SEL1L2: variants seen among roughly 807,000 people sequenced by gnomAD.
SEL1L2 encodes the protein protein sel-1 homolog 2.
SEL1L2 carries 89 observed loss-of-function variants against 98.8 expected under a neutral mutation model. The observed-to-expected ratio is 0.90, with a 90% CI of 0.76 to 1.07. SEL1L2 has a LOEUF of 1.07. Among genes scored for constraint, SEL1L2 ranks in the 50% least tolerant of loss-of-function variants. The pLI, the probability that SEL1L2 is intolerant of heterozygous loss-of-function variation, is 0.00. For synonymous variants in SEL1L2, 262 were observed against 278.5 expected, an observed-to-expected ratio of 0.94 and a Z score of 0.59; for missense variants, 788 against 812.0, an observed-to-expected ratio of 0.97 and a Z score of 0.36.
In SEL1L2 at chr20:13,981,090, A is replaced by T. The variant is rs1388401312; in HGVS notation, c.58+9387T>A. ...AAACCCCGTCTCTACTAAAAATACAAAATTAGCGGGGCATGGTGGTGTGCA... is the reference window on the plus strand; with the variant it reads ...AAACCCCGTCTCTACTAAAAATACATAATTAGCGGGGCATGGTGGTGTGCA... On this transcript the variant is annotated intron_variant, in intron 1 of 19. Transcript: ENST00000284951. 3.3e-5 allele frequency among the ~76,000 whole-genome samples: 5 copies of T among 152,294 alleles called. No homozygotes were observed. The East Asian group carries it at 9.6e-4, about 29-fold the overall frequency.
In SEL1L2 at chr20:13,970,939, A is replaced by T. The variant is rs545715951; in HGVS notation, c.59-14808T>A. 2.7e-5 allele frequency among the ~76,000 whole-genome samples: 4 copies of T among 150,092 alleles called. No individual in the cohort carries two copies. The East Asian group carries it at 5.8e-4, about 22-fold the overall frequency. On this transcript the variant is annotated intron_variant, in intron 1 of 19. Coordinates refer to ENST00000284951, the MANE Select transcript of SEL1L2 (RefSeq NM_025229.2). ...TATCTATTACTATATAGGAATATTA[A>T]TTTTTTCTCACCATAACTGGCACGT... is the stretch of plus-strand genomic sequence containing the variant.
At chr20:13,856,303 C>T (rs6033835) in intron 18 of SEL1L2, among the ~76,000 whole-genome samples, 107,322 of 151,866 alleles carry the variant, frequency 0.71, 38,356 homozygotes, top group Middle Eastern at 0.81. Context: ...TTAATTTTTG[C>T]ATTTTTAGTA....
At chr20:13,886,254 G>A in intron 9 of SEL1L2, 34 bp downstream of exon 9, 1 of 1,517,320 alleles carries the variant, frequency 6.6e-7, no homozygotes, top group South Asian at 1.2e-5. Context: ...TAATTTTCAT[G>A]TTCTAAAAAC....
intron 5 of SEL1L2, among the ~76,000 whole-genome samples, chr20:13,895,862 C>T (rs1211870844): frequency 6.6e-6 from 1 of 152,202 alleles, no homozygotes; most frequent in African/African-American, 2.4e-5. Flanking sequence ...ATTAGACACA[C>T]ACACACAAAC....
At chr20:13,870,118 G>T (rs1192195274) in intron 13 of SEL1L2, 23 bp downstream of exon 13, 1 of 1,513,586 alleles carries the variant, frequency 6.6e-7, no homozygotes. Flanking sequence ...CAAATAAAAA[G>T]ATAATAAAAT....
intron 5 of SEL1L2, among the ~76,000 whole-genome samples, chr20:13,901,156 C>T (rs1458529489): frequency 2.7e-5 from 4 of 149,822 alleles, no homozygotes; most frequent in Admixed American, 2.7e-4. Context: ...CTGCAAGCTC[C>T]GCCTCCCGGG....
chr20:13,900,010 A>G (rs2148078372), intron 5 of SEL1L2, among the ~76,000 whole-genome samples: 1 of 152,240 alleles, frequency 6.6e-6, no homozygotes, highest in African/African-American at 2.4e-5. Context: ...ATATTTAAAG[A>G]TTTTCTTTTT....
At chr20:13,948,042 C>T (rs1050101856) in intron 2 of SEL1L2, among the ~76,000 whole-genome samples, 2 of 152,212 alleles carry the variant, frequency 1.3e-5, no homozygotes, top group African/African-American at 4.8e-5. Flanking sequence ...ATGAGCACAG[C>T]AGGTCTGAGC....
At chr20:13,945,438 T>C (rs2029981711) in intron 2 of SEL1L2, among the ~76,000 whole-genome samples, 1 of 151,780 alleles carries the variant, frequency 6.6e-6, no homozygotes, top group South Asian at 2.1e-4. Flanking sequence ...TCTTTTACAT[T>C]TGACATTATT....
Position 13,886,322 on chromosome 20 carries a change from T to G in SEL1L2, c.866A>C (p.Lys289Thr), listed in dbSNP as rs146403121. The G allele has an allele frequency of 2.1e-4, 337 of 1,612,118 alleles. 1 individual carries two copies. The East Asian group carries it at 7.2e-3, about 34-fold the overall frequency. Residue 289 changes from lysine (K) to threonine (T), a missense_variant, in exon 9 of 20, where the codon AAA becomes ACA. Coordinates refer to ENST00000284951, the MANE Select transcript of SEL1L2 (RefSeq NM_025229.2). Reference sequence around the variant, plus strand: ...AACATCTCCTCTTTCTGCCAAAAATTTATAGTATTGGTATATGTCCCAATC... The same window carrying G: ...AACATCTCCTCTTTCTGCCAAAAATGTATAGTATTGGTATATGTCCCAATC... ...ILDWDIYQYY[K>T]FLAERGDVQI... is the part of the protein sequence containing the mutation.
chr20:13,990,423 T>C (rs543955839), intron 1 of SEL1L2, 54 bp downstream of exon 1: 3 of 1,299,100 alleles, frequency 2.3e-6, no homozygotes, highest in Admixed American at 3.5e-5. Context: ...CTTGGCGCTG[T>C]TTGAGCAAAG....
In SEL1L2 at chr20:13,989,303, CTTTT is replaced by C. The variant is rs987882866; in HGVS notation, c.58+1170_58+1173del. On this transcript the variant is annotated intron_variant, in intron 1 of 19. Coordinates refer to ENST00000284951, the MANE Select transcript of SEL1L2 (RefSeq NM_025229.2). ...TCACTGCTACTGTATAGAAATAGAA[CTTTT>C]TTTTTGTATTTATCCTGCATTTGTT... is the stretch of plus-strand genomic sequence containing the variant. Among the ~76,000 whole-genome samples the C allele has an allele frequency of 6.9e-4, 105 of 151,458 alleles. 1 individual carries two copies. The East Asian group carries it at 7.2e-3, about 10-fold the overall frequency.
chr20:13,970,407 G>A (rs2051229442), intron 1 of SEL1L2, among the ~76,000 whole-genome samples: 1 of 152,124 alleles, frequency 6.6e-6, no homozygotes, highest in African/African-American at 2.4e-5. Flanking sequence ...GGTTTGTTAG[G>A]GTGGACAAGA....
chr20:13,931,163 C>T (rs2049127045), intron 3 of SEL1L2, among the ~76,000 whole-genome samples: 1 of 151,870 alleles, frequency 6.6e-6, no homozygotes, highest in East Asian at 2.0e-4. Context: ...CCTGCCTCAG[C>T]CTCCCGAGTA....
At chr20:13,880,907 CATG>C (rs1172325325) in intron 10 of SEL1L2, among the ~76,000 whole-genome samples, 3 of 152,190 alleles carry the variant, frequency 2.0e-5, no homozygotes, top group Middle Eastern at 3.4e-3. Context: ...AAAAAATGAT[CATG>C]ATTTTTCATT....
At chr20:13,946,405 T>C (rs930833340) in intron 2 of SEL1L2, among the ~76,000 whole-genome samples, 1 of 152,130 alleles carries the variant, frequency 6.6e-6, no homozygotes, top group African/African-American at 2.4e-5. Flanking sequence ...TAAAAAAGAA[T>C]AAAGTACTTA....
chr20:13,867,734 C>T (rs564457959), intron 14 of SEL1L2, among the ~76,000 whole-genome samples: 2 of 152,088 alleles, frequency 1.3e-5, no homozygotes, highest in Admixed American at 6.5e-5. Context: ...TTAAAACATA[C>T]GAAGACTTAA....
chr20:13,966,330 A>G (rs1433541133), intron 1 of SEL1L2, among the ~76,000 whole-genome samples: 1 of 147,260 alleles, frequency 6.8e-6, no homozygotes, highest in Non-Finnish European at 1.5e-5. Context: ...CTTCTTTCTT[A>G]TTTTTTGAGG....
intron 18 of SEL1L2, among the ~76,000 whole-genome samples, chr20:13,858,524 G>A (rs1989527159): frequency 1.3e-5 from 2 of 152,166 alleles, no homozygotes; most frequent in Admixed American, 6.5e-5. Flanking sequence ...ATCTCGTTGA[G>A]TGGTTGTGTG....
Sources: allele counts gnomAD v4.1 joint callset (sites outside exome capture counted in the v4.1 genomes callset), GRCh38; gene constraint gnomAD v4.1.1; transcripts MANE v1.5; gene names NCBI Gene and HGNC (gene_info 2026-07-23, HGNC 2026-07-21).